The following TFDP2 variants were observed in gnomAD, a reference collection of about 807,000 sequenced individuals.
TFDP2 encodes the protein transcription factor Dp-2, also known as transcription factor Dp-2 (E2F dimerization partner 2).
A neutral mutation model predicts 59.3 loss-of-function variants in TFDP2; 17 were observed. The observed-to-expected ratio is 0.29, with a 90% CI of 0.20 to 0.43. The LOEUF is 0.43. Among genes scored for constraint, TFDP2 ranks in the 20% least tolerant of loss-of-function variants. The pLI is 1.00. For missense variants in TFDP2, 391 were observed against 528.8 expected, an observed-to-expected ratio of 0.74 and a Z score of 2.56; for synonymous variants, 180 against 194.7, an observed-to-expected ratio of 0.92 and a Z score of 0.63.
chr3:142,128,917 CTTT>C (rs11313369), intron 1 of TFDP2, among the ~76,000 whole-genome samples: 2 of 150,312 alleles, frequency 1.3e-5, no homozygotes, highest in African/African-American at 2.4e-5. Context: ...ATGCAACTTT[CTTT>C]TTTTTTTTGG....
At chr3:141,961,845 G>A (rs922576243) in intron 10 of TFDP2, among the ~76,000 whole-genome samples, 3 of 152,178 alleles carry the variant, frequency 2.0e-5, no homozygotes, top group African/African-American at 7.2e-5. Flanking sequence ...GGCTGAGGCA[G>A]GGGGACCGCT....
intron 3 of TFDP2, among the ~76,000 whole-genome samples, chr3:142,051,499 G>A (rs1355505770): frequency 2.0e-5 from 3 of 151,414 alleles, no homozygotes; most frequent in African/African-American, 4.9e-5. Context: ...CTTCAGCCTG[G>A]GAGACAGAGA....
chr3:142,046,749 C>T (rs1947361776), intron 3 of TFDP2, among the ~76,000 whole-genome samples: 1 of 152,118 alleles, frequency 6.6e-6, no homozygotes, highest in Non-Finnish European at 1.5e-5. Context: ...GAAATTCCTC[C>T]TGTTGCCTGG....
At chr3:141,988,523 A>C (rs1416381567) in intron 6 of TFDP2, among the ~76,000 whole-genome samples, 1 of 152,104 alleles carries the variant, frequency 6.6e-6, no homozygotes, top group East Asian at 1.9e-4. Context: ...CTCCTGCCTC[A>C]GTAGATTTCT....
intron 3 of TFDP2, among the ~76,000 whole-genome samples, chr3:142,027,491 T>TCCCTCG (rs1172789011): frequency 6.6e-6 from 1 of 151,896 alleles, no homozygotes; most frequent in Non-Finnish European, 1.5e-5. Context: ...CCTCTCCCTC[T>TCCCTCG]CCCTCTCCCT....
chr3:142,101,926 T>C, intron 1 of TFDP2, 85 bp from the exon 2 acceptor site: 1 of 435,282 alleles, frequency 2.3e-6, no homozygotes, highest in Non-Finnish European at 4.1e-6. Context: ...ACATGCATTG[T>C]TATCTAAGTG....
At chr3:141,965,478 C>A (rs1257842097) in intron 9 of TFDP2, among the ~76,000 whole-genome samples, 1 of 135,460 alleles carries the variant, frequency 7.4e-6, no homozygotes, top group African/African-American at 2.8e-5. Flanking sequence ...ACCTGGGCAA[C>A]AGAGCCCTTT....
chr3:142,112,044 C>T (rs957167249), intron 1 of TFDP2, among the ~76,000 whole-genome samples: 10 of 150,686 alleles, frequency 6.6e-5, no homozygotes, highest in Admixed American at 4.6e-4. Flanking sequence ...CCAGCCTGGG[C>T]GACAGAGCAA....
intron 11 of TFDP2, among the ~76,000 whole-genome samples, chr3:141,955,104 T>C (rs1386611825): frequency 2.6e-5 from 4 of 152,200 alleles, no homozygotes; most frequent in Admixed American, 2.0e-4. Context: ...TATAGAACTA[T>C]AGAAACCTTC....
At chr3:142,053,030 G>A (rs555712402) in intron 3 of TFDP2, among the ~76,000 whole-genome samples, 7 of 152,096 alleles carry the variant, frequency 4.6e-5, no homozygotes, top group African/African-American at 9.6e-5. Context: ...GGATGGTCTC[G>A]ATCTCCTGGC....
intron 3 of TFDP2, among the ~76,000 whole-genome samples, chr3:142,040,946 A>G (rs1007010333): frequency 1.3e-5 from 2 of 152,120 alleles, no homozygotes; most frequent in African/African-American, 4.8e-5. Context: ...CTAAAAATGT[A>G]TTGTGGGGTT....
intron 1 of TFDP2, among the ~76,000 whole-genome samples, chr3:142,120,793 A>G (rs778853362): frequency 2.0e-5 from 3 of 152,132 alleles, no homozygotes; most frequent in Admixed American, 6.5e-5. Context: ...TGCCTCACCC[A>G]AGCAGCTGCA....
rs770362494 is a variant in TFDP2, at chr3:142,073,075, T to C, written c.82+19986A>G. Among the ~76,000 whole-genome samples the C allele has an allele frequency of 5.5e-4, 84 of 152,166 alleles. 1 individual carries two copies. The highest frequency in any genetic ancestry group is 2.2e-4 in the Non-Finnish European group (15 of 68,028). ...CATCAACAGTGATAAGTCATGTTGA[T>C]AGTATGTGCCTTAATATGCTGTGAT... On this transcript the variant is annotated intron_variant, in intron 3 of 12. Transcript: ENST00000489671.
intron 6 of TFDP2, among the ~76,000 whole-genome samples, chr3:141,986,840 G>C (rs1256188344): frequency 6.6e-6 from 1 of 151,922 alleles, no homozygotes; most frequent in Non-Finnish European, 1.5e-5. Flanking sequence ...TAGCCATTCT[G>C]ATGGATGTAA....
chr3:142,051,787 A>G (rs940594281), intron 3 of TFDP2, among the ~76,000 whole-genome samples: 1 of 152,190 alleles, frequency 6.6e-6, no homozygotes, highest in African/African-American at 2.4e-5. Context: ...CATATGATAC[A>G]AAAATAAACC....
chr3:142,110,487 G>A (rs959899472), intron 1 of TFDP2, among the ~76,000 whole-genome samples: 1 of 150,858 alleles, frequency 6.6e-6, no homozygotes, highest in East Asian at 1.9e-4. Context: ...CTGGGCGACA[G>A]AACGAGACTC....
intron 10 of TFDP2, among the ~76,000 whole-genome samples, chr3:141,962,611 C>T (rs1327185167): frequency 2.0e-5 from 3 of 152,070 alleles, no homozygotes; most frequent in African/African-American, 4.8e-5. Flanking sequence ...CACTAGCCTC[C>T]GGCCTCCCAG....
intron 1 of TFDP2, among the ~76,000 whole-genome samples, chr3:142,110,538 A>G (rs1479645670): frequency 3.3e-5 from 5 of 152,046 alleles, no homozygotes; most frequent in Admixed American, 1.3e-4. Context: ...GAATTATATA[A>G]TAATGAATAA....
intron 3 of TFDP2, among the ~76,000 whole-genome samples, chr3:142,043,285 G>C (rs1331236429): frequency 6.6e-6 from 1 of 150,810 alleles, no homozygotes; most frequent in Non-Finnish European, 1.5e-5. Flanking sequence ...CTAACCTCGT[G>C]ATCCACCCAC....
Sources: allele counts gnomAD v4.1 joint callset (sites outside exome capture counted in the v4.1 genomes callset), GRCh38; gene constraint gnomAD v4.1.1; transcripts MANE v1.5; gene names NCBI Gene and HGNC (gene_info 2026-07-23, HGNC 2026-07-21).